Variants in ARL15 observed in about 807,000 individuals in gnomAD.
ARL15 encodes ADP-ribosylation factor-like protein 15.
A neutral mutation model predicts 25.2 loss-of-function variants in ARL15; 19 were observed. The observed-to-expected ratio is 0.75, with a 90% CI of 0.53 to 1.10. The LOEUF (loss-of-function observed/expected upper bound fraction) is 1.10, where lower values mean the gene tolerates loss of function less well. Among genes scored for constraint, ARL15 ranks in the 50% least tolerant of loss-of-function variants. The pLI, the probability that ARL15 is intolerant of heterozygous loss-of-function variation, is 0.00. For missense variants in ARL15, 220 were observed against 246.0 expected (o/e 0.89, Z 0.71); for synonymous variants, 94 against 86.8 (o/e 1.08, Z -0.46).
At chr5:54,136,801 A>C (rs1753617931) in intron 3 of ARL15, among the ~76,000 whole-genome samples, 1 of 152,060 alleles carries the variant, frequency 6.6e-6, no homozygotes, top group African/African-American at 2.4e-5. Context: ...CCAGCATACA[A>C]ATCCATAGTA....
rs181957257 is a variant in ARL15 at position 54,131,857 on chromosome 5, C to A, written c.254-18447G>T. 3.0e-3 allele frequency among the ~76,000 whole-genome samples: 450 copies of A among 151,178 alleles called. 2 individuals are homozygous for A. Among genetic ancestry groups the A allele is most frequent in the Non-Finnish European group, 4.7e-3 (318 of 67,822 alleles). ...GGCGGAGCTTGCAGTGAGCCGAGAT[C>A]GCGCCACTGCACTCCAGCCTGGGCC... On this transcript the variant is annotated intron_variant, in intron 3 of 4. Transcript: ENST00000504924.
chr5:54,053,241 A>AAC (rs374970003), intron 4 of ARL15, among the ~76,000 whole-genome samples: 107 of 136,288 alleles, frequency 7.9e-4, no homozygotes, highest in Admixed American at 6.3e-3. Flanking sequence ...CAACAACAAC[A>AAC]AACAACAACA....
At chr5:53,931,799 CTGTCT>C (rs372283124) in intron 4 of ARL15, among the ~76,000 whole-genome samples, 1 of 152,352 alleles carries the variant, frequency 6.6e-6, no homozygotes, top group African/African-American at 2.4e-5. Context: ...AAGCCTCTCT[CTGTCT>C]TAACTCCAGT....
At chr5:53,909,583 C>T (rs1364030746) in intron 4 of ARL15, among the ~76,000 whole-genome samples, 1 of 152,098 alleles carries the variant, frequency 6.6e-6, no homozygotes, top group Middle Eastern at 3.2e-3. Context: ...GCGCATGCCT[C>T]TAATGCCAGC....
intron 4 of ARL15, among the ~76,000 whole-genome samples, chr5:53,955,546 C>T (rs1470480856): frequency 6.6e-6 from 1 of 152,068 alleles, no homozygotes; most frequent in African/African-American, 2.4e-5. Flanking sequence ...TCCAAGTGCC[C>T]CATCTCCCAA....
intron 1 of ARL15, among the ~76,000 whole-genome samples, chr5:54,176,116 C>A (rs903955654): frequency 1.4e-4 from 22 of 152,252 alleles, no homozygotes; most frequent in African/African-American, 5.1e-4. Context: ...CTATAAGAAC[C>A]CAAACCAAAA....
chr5:53,895,265 G>A (rs1415472487), intron 4 of ARL15, among the ~76,000 whole-genome samples: 1 of 152,178 alleles, frequency 6.6e-6, no homozygotes, highest in Non-Finnish European at 1.5e-5. Flanking sequence ...ACTTTAGTGG[G>A]ACAGAGGATT....
At chr5:54,182,829 C>T (rs1246359644) in intron 1 of ARL15, among the ~76,000 whole-genome samples, 1 of 151,792 alleles carries the variant, frequency 6.6e-6, no homozygotes, top group African/African-American at 2.4e-5. Context: ...TTTCCTTGAG[C>T]AGTGGTTTGT....
chr5:54,203,635 T>A (rs1305318339), intron 1 of ARL15, among the ~76,000 whole-genome samples: 2 of 152,182 alleles, frequency 1.3e-5, no homozygotes, highest in Non-Finnish European at 2.9e-5. Flanking sequence ...CACAAGCTTC[T>A]ACCTCCCCTC....
At chr5:53,907,475 T>TATATATAC (rs1554025266) in intron 4 of ARL15, among the ~76,000 whole-genome samples, 1 of 29,742 alleles carries the variant, frequency 3.4e-5, no homozygotes, top group African/African-American at 1.5e-4. Context: ...TATATATATA[T>TATATATAC]ATATATATAT....
At chr5:53,904,368 A>T (rs909343271) in intron 4 of ARL15, among the ~76,000 whole-genome samples, 1 of 152,240 alleles carries the variant, frequency 6.6e-6, no homozygotes, top group African/African-American at 2.4e-5. Context: ...GTATAAGTAA[A>T]TGTGACACCA....
At chr5:54,051,904 G>A (rs1421389173) in intron 4 of ARL15, among the ~76,000 whole-genome samples, 1 of 152,246 alleles carries the variant, frequency 6.6e-6, no homozygotes, top group South Asian at 2.1e-4. Context: ...TCTTCCAATA[G>A]AAGAATCGAC....
In ARL15 at chr5:54,037,954, C is replaced by T. The variant is rs549743451; in HGVS notation, c.462+75248G>A. 6.6e-5 allele frequency among the ~76,000 whole-genome samples: 10 copies of T among 152,024 alleles called. No individual in the cohort carries two copies. In the South Asian group the frequency reaches 1.9e-3, roughly 28 times the overall value. ...TCATCACAGTATTAGATTATCTATC[C>T]GAATCTCCAAACTATTACATATCTT... On this transcript the variant is annotated intron_variant, in intron 4 of 4. Coordinates refer to ENST00000504924, the MANE Select transcript of ARL15 (RefSeq NM_019087.3).
chr5:53,905,717 C>T (rs1341637783), intron 4 of ARL15, among the ~76,000 whole-genome samples: 4 of 152,130 alleles, frequency 2.6e-5, no homozygotes, highest in African/African-American at 7.2e-5. Context: ...TGGTAAAATG[C>T]CAATTCCAGA....
At chr5:54,244,155 C>T (rs1757026510) in intron 1 of ARL15, among the ~76,000 whole-genome samples, 1 of 152,128 alleles carries the variant, frequency 6.6e-6, no homozygotes, top group Non-Finnish European at 1.5e-5. Flanking sequence ...AAAATAGCAT[C>T]CCTATAAGTG....
At chr5:54,042,383 C>T (rs1750369889) in intron 4 of ARL15, among the ~76,000 whole-genome samples, 1 of 152,194 alleles carries the variant, frequency 6.6e-6, no homozygotes. Context: ...GACAGCCTAT[C>T]TTGTCGGTAT....
chr5:54,198,468 G>A (rs1329024869), intron 1 of ARL15, among the ~76,000 whole-genome samples: 1 of 149,964 alleles, frequency 6.7e-6, no homozygotes, highest in Admixed American at 6.6e-5. Flanking sequence ...CAAAATCAAT[G>A]TACAAAAATC....
chr5:54,058,611 G>C (rs1370260943), intron 4 of ARL15, among the ~76,000 whole-genome samples: 1 of 152,196 alleles, frequency 6.6e-6, no homozygotes, highest in Non-Finnish European at 1.5e-5. Context: ...TGGGCAGAGG[G>C]AAAAGCACAA....
At chr5:54,073,566 A>G (rs1484685091) in intron 4 of ARL15, among the ~76,000 whole-genome samples, 3 of 152,028 alleles carry the variant, frequency 2.0e-5, no homozygotes, top group Non-Finnish European at 2.9e-5. Context: ...TACATGGAGT[A>G]GTAAACAATA....
Sources: gnomAD v4.1 joint callset for allele counts (sites outside exome capture counted in the v4.1 genomes callset) on GRCh38, gnomAD v4.1.1 for gene constraint, MANE v1.5 for transcripts, NCBI Gene and HGNC (gene_info 2026-07-23, HGNC 2026-07-21) for gene names.